Variants in RASA4B observed in about 807,000 individuals in gnomAD.
RASA4B encodes ras GTPase-activating protein 4B.
RASA4B carries 2 observed loss-of-function variants against 24.2 expected under a neutral mutation model. The ratio of observed to expected loss-of-function variants is 0.08; its 90% CI spans 0.03 to 0.26. RASA4B has a LOEUF of 0.26. RASA4B is among the 10% of genes least tolerant of loss of function. The pLI, the probability that RASA4B is intolerant of heterozygous loss-of-function variation, is 1.00. For synonymous variants in RASA4B, 2 were observed against 125.6 expected (o/e 0.02, Z 6.58); for missense variants, 8 against 277.2 (o/e 0.03, Z 6.90).
At chr7:102,512,730 AGGGGAGAGAGG>A (rs1799731858) in intron 1 of RASA4B, among the ~76,000 whole-genome samples, 1 of 129,430 alleles carries the variant, frequency 7.7e-6, no homozygotes, top group Non-Finnish European at 1.7e-5. Flanking sequence ...GAGAGAGAGA[AGGGGAGAGAGG>A]GAGGAGAGTA....
intron 16 of RASA4B, among the ~76,000 whole-genome samples, chr7:102,492,562 G>T: frequency 7.9e-6 from 1 of 127,360 alleles, no homozygotes. Context: ...AATATCATTT[G>T]CCTAAATAGT....
In RASA4B at chr7:102,487,251, G is replaced by A. The variant is rs376959947; in HGVS notation, c.2104+1212C>T. Among the ~76,000 whole-genome samples, 10 of 97,654 alleles carry A rather than the reference G, an allele frequency of 1.0e-4. 1 individual carries two copies. The East Asian group carries it at 3.9e-3, about 38-fold the overall frequency. 64.1% of individuals were successfully genotyped at this position (97,654 alleles called of 152,430 possible). A position where few individuals can be genotyped will look rare whatever the true frequency, so the allele number is the denominator to read the frequency against. On this transcript the variant is annotated intron_variant, in intron 18 of 20. Transcript: ENST00000465829. ...GGCTGCAGTGAGCTATGATCGTGCC[G>A]TGCCACTGCACTCCAGCCTGGGCAA...
At position 102,499,193 on chromosome 7, in the gene RASA4B, A is replaced by ATATATAT. The variant is rs796973422; in HGVS notation, c.737+1505_737+1506insATATATA. ...AGAGTGAGATTCTGCTCAAAAAAAAAATATATATATATATATATTCACTTT... is the reference window on the plus strand; with the variant it reads ...AGAGTGAGATTCTGCTCAAAAAAAAATATATATATATATATATATATATATTCACTTT... On this transcript the variant is annotated intron_variant, in intron 8 of 20. Transcript: ENST00000465829. 2.7e-3 allele frequency among the ~76,000 whole-genome samples: 269 copies of ATATATAT among 100,306 alleles called. 3 individuals are homozygous for ATATATAT. The highest frequency in any genetic ancestry group is 6.6e-3 in the African/African-American group (223 of 33,640). 65.8% of individuals were successfully genotyped at this position (100,306 alleles called of 152,430 possible).
chr7:102,512,644 GGAGGGGGAGAGAGGGAGGAGAGTA>G (rs1799724412), intron 1 of RASA4B, among the ~76,000 whole-genome samples: 1 of 47,002 alleles, frequency 2.1e-5, no homozygotes, highest in Non-Finnish European at 4.6e-5. Context: ...GAGGAGAGTA[GGAGGGGGAGAGAGGGAGGAGAGTA>G]AGAGGAAGGA....
In RASA4B at chr7:102,481,214, CTTTTTTTT is replaced by C. The variant is rs538913748; in HGVS notation, c.*2370_*2377del. Among the ~76,000 whole-genome samples the C allele has an allele frequency of 2.8e-4, 18 of 64,826 alleles. No individual in the cohort carries two copies. In the East Asian group the frequency reaches 0.011, roughly 40 times the overall value. 42.5% of individuals were successfully genotyped at this position (64,826 alleles called of 152,430 possible). A position where few individuals can be genotyped will look rare whatever the true frequency, so the allele number is the denominator to read the frequency against. On this transcript the variant is annotated 3_prime_UTR_variant, in exon 21 of 21. Transcript: ENST00000465829. ...AAATTTCAAGTCTCCTTTATTTTCC[CTTTTTTTT>C]TTTTTTTTTTTTAATTTTAGGGACT...
chr7:102,506,343 T>C (rs1198488618), intron 5 of RASA4B, among the ~76,000 whole-genome samples: 36 of 151,588 alleles, frequency 2.4e-4, no homozygotes, highest in African/African-American at 8.3e-4. Context: ...CTCTGCCTCC[T>C]GGGTTCAAGA....
chr7:102,512,869 TGAGAGGGAGGGGTG>T (rs1563681700), intron 1 of RASA4B, among the ~76,000 whole-genome samples: 2 of 85,040 alleles, frequency 2.4e-5, no homozygotes, highest in African/African-American at 4.4e-5. Flanking sequence ...AGGGAGGGGG[TGAGAGGGAGGGGTG>T]GAGAGGGAGA....
Position 102,500,797 on chromosome 7 carries a change from G to A in RASA4B, c.643-4C>T. ...GTCTCTGGACATCAATCACCACCTGGGGACATAGTGGCAGTTTTCCTGGAG... is the reference window on the plus strand; with the variant it reads ...GTCTCTGGACATCAATCACCACCTGAGGACATAGTGGCAGTTTTCCTGGAG... On this transcript the variant is annotated splice_polypyrimidine_tract_variant and splice_region_variant and intron_variant, in intron 7 of 20. Coordinates refer to ENST00000465829, the MANE Select transcript of RASA4B (RefSeq NM_001367767.2). 1 of 94,436 alleles carries A rather than the reference G, an allele frequency of 1.1e-5. No individual in the cohort carries two copies. Among genetic ancestry groups the A allele is most frequent in the Non-Finnish European group, 1.9e-5 (1 of 52,508 alleles). The allele number at this position is 94,436 out of a possible 1,614,324, so 5.8% of individuals were successfully genotyped here.
rs1214329046 is a variant in RASA4B, at chr7:102,500,711, C to T, written c.725G>A (p.Arg242Gln). 9.1e-5 allele frequency: 13 copies of T among 142,098 alleles called. No homozygotes were observed. Among genetic ancestry groups the T allele is most frequent in the African/African-American group, 4.0e-4 (10 of 24,812 alleles). The allele number at this position is 142,098 out of a possible 1,614,324, so 8.8% of individuals were successfully genotyped here. ...TCCATGCACTTACTCGTCATGCCGC[C>T]GGCTCTTGGACTGGTCGGGCTGCAG... ...FRLQPDQSKS[R>Q]RHDEGNLGSL... Residue 242 changes from arginine to glutamine, a missense_variant, in exon 8 of 21, where the codon CGG becomes CAG. Transcript: ENST00000465829.
rs1236471427 is a variant in RASA4B at position 102,513,067 on chromosome 7, C to T, written c.66-1086G>A. 3.3e-5 allele frequency among the ~76,000 whole-genome samples: 5 copies of T among 152,242 alleles called. No homozygotes were observed. In the East Asian group the frequency reaches 9.7e-4, roughly 29 times the overall value. On this transcript the variant is annotated intron_variant, in intron 1 of 20. Transcript: ENST00000465829. ...CAGGCAAGCTCCTGGGACCCCTACCCTCCACACCAAAGTCGAGCCCCTTAC... is the reference window on the plus strand; with the variant it reads ...CAGGCAAGCTCCTGGGACCCCTACCTTCCACACCAAAGTCGAGCCCCTTAC...
At chr7:102,502,791 A>G (rs1234212117) in intron 6 of RASA4B, among the ~76,000 whole-genome samples, 3 of 117,678 alleles carry the variant, frequency 2.5e-5, no homozygotes, top group African/African-American at 8.0e-5. Context: ...ACACAAAACA[A>G]AAACAGTAGC....
intron 8 of RASA4B, among the ~76,000 whole-genome samples, chr7:102,497,929 C>G (rs1211265505): frequency 1.4e-5 from 1 of 70,634 alleles, no homozygotes; most frequent in African/African-American, 4.5e-5. Flanking sequence ...GGGTCTGGGG[C>G]CTTCCACAGA....
intron 8 of RASA4B, among the ~76,000 whole-genome samples, chr7:102,499,193 A>ATATAT (rs796973422): frequency 0.022 from 2,174 of 100,342 alleles, 61 homozygotes; most frequent in Non-Finnish European, 0.034. Flanking sequence ...TCAAAAAAAA[A>ATATAT]ATATATATAT....
chr7:102,498,601 GT>G (rs1247053772), intron 8 of RASA4B, among the ~76,000 whole-genome samples: 3 of 140,572 alleles, frequency 2.1e-5, no homozygotes, highest in African/African-American at 5.1e-5. Flanking sequence ...CGAGGCTGGA[GT>G]GCAGTGGTGG....
At chr7:102,504,679 CA>C (rs371687112) in intron 5 of RASA4B, among the ~76,000 whole-genome samples, 4,787 of 95,730 alleles carry the variant, frequency 0.05, 3 homozygotes, top group African/African-American at 0.088. Context: ...CAGACTGCCT[CA>C]AAAAAAAAAA....
intron 16 of RASA4B, among the ~76,000 whole-genome samples, chr7:102,492,549 A>C (rs1798987042): frequency 8.8e-6 from 1 of 114,108 alleles, no homozygotes; most frequent in Non-Finnish European, 2.0e-5. Flanking sequence ...TACTATCTTT[A>C]ATAATATCAT....
intron 18 of RASA4B, among the ~76,000 whole-genome samples, chr7:102,485,783 G>T (rs1352323778): frequency 0.036 from 3,547 of 98,908 alleles, 2 homozygotes; most frequent in South Asian, 0.11. Context: ...CTGCCTGGAA[G>T]GGAGCAGGCT....
chr7:102,489,970 G>C (rs1265274455), intron 17 of RASA4B, among the ~76,000 whole-genome samples: 1 of 99,340 alleles, frequency 1.0e-5, no homozygotes, highest in African/African-American at 3.6e-5. Context: ...TTTTTGTAGA[G>C]ATGGGGTCTT....
At chr7:102,502,726 C>A (rs1799364090) in intron 6 of RASA4B, among the ~76,000 whole-genome samples, 1 of 127,890 alleles carries the variant, frequency 7.8e-6, no homozygotes, top group African/African-American at 2.6e-5. Flanking sequence ...AGCCACTGCA[C>A]TCCAGCCTGG....
Sources: gnomAD v4.1 joint callset for allele counts (sites outside exome capture counted in the v4.1 genomes callset) on GRCh38, gnomAD v4.1.1 for gene constraint, MANE v1.5 for transcripts, NCBI Gene and HGNC (gene_info 2026-07-23, HGNC 2026-07-21) for gene names.